The following CDCA7L variants were observed in gnomAD, a reference collection of about 807,000 sequenced individuals.
CDCA7L encodes the protein cell division cycle associated 7 like, also known as cell division cycle-associated 7-like protein.
CDCA7L carries 44 observed loss-of-function variants against 57.4 expected under a neutral mutation model. The ratio of observed to expected loss-of-function variants is 0.77; its 90% CI spans 0.60 to 0.98. CDCA7L has a LOEUF of 0.98. CDCA7L is among the 50% of genes least tolerant of loss of function. CDCA7L has a pLI of 0.00. For synonymous variants in CDCA7L, 236 were observed against 202.8 expected, an observed-to-expected ratio of 1.16 and a Z score of -1.39; for missense variants, 644 against 580.6, an observed-to-expected ratio of 1.11 and a Z score of -1.12.
intron 4 of CDCA7L, 53 bp from the exon 5 acceptor site, chr7:21,906,692 G>T: frequency 1.3e-6 from 2 of 1,566,070 alleles, no homozygotes; most frequent in Non-Finnish European, 1.8e-6. Flanking sequence ...TCCAGGTTTA[G>T]GTCATCCAAC....
intron 1 of CDCA7L, among the ~76,000 whole-genome samples, chr7:21,940,684 G>A (rs923391435): frequency 1.3e-5 from 2 of 152,242 alleles, no homozygotes; most frequent in African/African-American, 4.8e-5. Flanking sequence ...TCACCCTGGA[G>A]AACCTGCTGT....
In CDCA7L at chr7:21,902,879, T is replaced by TAAGTC. The variant is rs1408092409; in HGVS notation, c.1334+94_1334+98dup. 1.4e-5 allele frequency: 16 copies of TAAGTC among 1,108,318 alleles called. No individual in the cohort carries two copies. In the East Asian group the frequency reaches 2.6e-4, roughly 18 times the overall value. 68.7% of individuals were successfully genotyped at this position (1,108,318 alleles called of 1,614,324 possible). A position where few individuals can be genotyped will look rare whatever the true frequency, so the allele number is the denominator to read the frequency against. On this transcript the variant is annotated intron_variant, in intron 9 of 9. Coordinates refer to ENST00000406877, the MANE Select transcript of CDCA7L (RefSeq NM_018719.5). ...GGTACTCGTGGTTTATATAAGTAAG[T>TAAGTC]AAGTCACACGGGAAGGCAACAACTA...
chr7:21,915,317 A>C (rs1213472537), intron 2 of CDCA7L, among the ~76,000 whole-genome samples: 1 of 152,176 alleles, frequency 6.6e-6, no homozygotes, highest in African/African-American at 2.4e-5. Flanking sequence ...CTCCCTTAGC[A>C]ACCAGGACCA....
chr7:21,905,953 C>T (rs993506758), intron 6 of CDCA7L, among the ~76,000 whole-genome samples: 2 of 152,200 alleles, frequency 1.3e-5, no homozygotes, highest in African/African-American at 2.4e-5. Flanking sequence ...GCGCTTGAAA[C>T]GCCTCATGCC....
rs569032250 is a variant in CDCA7L, at chr7:21,928,551, C to G, written c.25-11657G>C. Among the ~76,000 whole-genome samples the G allele has an allele frequency of 1.6e-4, 24 of 151,908 alleles. No homozygotes were observed. In the South Asian group the frequency reaches 4.6e-3, roughly 29 times the overall value. ...AACTCAATACAAGGAAACTAAGAAC[C>G]TTGAAAAAAGGTTAGAGGAATTGCT... On this transcript the variant is annotated intron_variant, in intron 1 of 9. Coordinates refer to ENST00000406877, the MANE Select transcript of CDCA7L (RefSeq NM_018719.5).
intron 2 of CDCA7L, among the ~76,000 whole-genome samples, chr7:21,913,012 C>T (rs984473634): frequency 6.6e-6 from 1 of 152,116 alleles, no homozygotes; most frequent in African/African-American, 2.4e-5. Context: ...AGTCTGTCCC[C>T]AGTTTCCTCT....
Position 21,936,396 on chromosome 7 carries a change from T to TA in CDCA7L, c.24+9384dup, listed in dbSNP as rs1229329876. ...TAGAAAACTATACAGCCATATCTCT[T>TA]ACGAATACTGATACAAGAATACTCA... On this transcript the variant is annotated intron_variant, in intron 1 of 9. Coordinates refer to ENST00000406877, the MANE Select transcript of CDCA7L (RefSeq NM_018719.5). 3.3e-5 allele frequency among the ~76,000 whole-genome samples: 5 copies of TA among 152,278 alleles called. 1 individual carries two copies. The highest frequency in any genetic ancestry group is 3.4e-3 in the Middle Eastern group (1 of 294).
Position 21,902,188 on chromosome 7 carries a change from C to T in CDCA7L, c.*134G>A, listed in dbSNP as rs1784918013. On this transcript the variant is annotated 3_prime_UTR_variant, in exon 10 of 10. Transcript: ENST00000406877. ...TTGTAAGCATATAAACAATCTTTAA[C>T]AAAAAATAGTAATTTCTACAAAGAA... 4 of 887,820 alleles carry T rather than the reference C, an allele frequency of 4.5e-6. No individual in the cohort carries two copies. The highest frequency in any genetic ancestry group is 2.1e-5 in the Admixed American group (1 of 48,080). The allele number at this position is 887,820 out of a possible 1,614,324, so 55.0% of individuals were successfully genotyped here. A position where few individuals can be genotyped will look rare whatever the true frequency, so the allele number is the denominator to read the frequency against.
chr7:21,912,542 C>A (rs1343166236), intron 2 of CDCA7L, among the ~76,000 whole-genome samples: 1 of 152,226 alleles, frequency 6.6e-6, no homozygotes, highest in East Asian at 1.9e-4. Context: ...CTCCCTCCCA[C>A]GTGTTGGCTT....
At chr7:21,906,999 T>G (rs1785162943) in intron 4 of CDCA7L, among the ~76,000 whole-genome samples, 1 of 152,158 alleles carries the variant, frequency 6.6e-6, no homozygotes, top group African/African-American at 2.4e-5. Context: ...CACGTGAGTC[T>G]CAAGTTTCAG....
intron 1 of CDCA7L, among the ~76,000 whole-genome samples, chr7:21,923,805 C>T (rs1785740718): frequency 6.6e-6 from 1 of 152,206 alleles, no homozygotes; most frequent in African/African-American, 2.4e-5. Flanking sequence ...TGAAATCCAG[C>T]TTTGTTCTAT....
chr7:21,926,687 A>G (rs144848904), intron 1 of CDCA7L, among the ~76,000 whole-genome samples: 17 of 148,350 alleles, frequency 1.1e-4, no homozygotes, highest in African/African-American at 3.9e-4. Flanking sequence ...TGGGCAATGT[A>G]GCAAGACCCC....
rs74534752 is a variant in CDCA7L at position 21,909,758 on chromosome 7, T to A, written c.304-1251A>T. Among the ~76,000 whole-genome samples, 331 of 152,264 alleles carry A rather than the reference T, an allele frequency of 2.2e-3. 7 individuals carry two copies. The East Asian group carries it at 0.044, about 20-fold the overall frequency. On this transcript the variant is annotated intron_variant, in intron 3 of 9. Coordinates refer to ENST00000406877, the MANE Select transcript of CDCA7L (RefSeq NM_018719.5). Reference sequence around the variant, plus strand: ...CATCCTCATCATCGACAGGCCTCTCTTTACCAGATGTGGAACAGCTCACTA... The same window carrying A: ...CATCCTCATCATCGACAGGCCTCTCATTACCAGATGTGGAACAGCTCACTA...
chr7:21,930,603 A>G (rs1220030716), intron 1 of CDCA7L, among the ~76,000 whole-genome samples: 4 of 150,830 alleles, frequency 2.7e-5, no homozygotes, highest in Admixed American at 2.0e-4. Context: ...AGGCTGAGGC[A>G]AAAAGAATCG....
intron 1 of CDCA7L, among the ~76,000 whole-genome samples, chr7:21,941,711 C>A (rs1282245317): frequency 6.6e-6 from 1 of 152,208 alleles, no homozygotes; most frequent in African/African-American, 2.4e-5. Flanking sequence ...ATTCCAGCAG[C>A]AAGGGCCAAT....
Position 21,908,363 on chromosome 7 carries a change from TG to T in CDCA7L, c.447del (p.Thr150ProfsTer40), listed in dbSNP as rs1183769427. 1 of 1,610,782 alleles carries T rather than the reference TG, an allele frequency of 6.2e-7. No individual in the cohort carries two copies. The highest frequency in any genetic ancestry group is 8.5e-7 in the Non-Finnish European group (1 of 1,179,216). ...TCTGGTTTGTTGGCCAGCTTCTTGG[TG>T]GGGAACTGAAAGGCTACTCGAAGAC... Reference protein sequence around the residue: ...SIGLRVAFQFPTKKLANKPDK... With the variant: ...SIGLRVAFQFXTKKLANKPDK... On this transcript the variant is annotated frameshift_variant, in exon 4 of 10. Coordinates refer to ENST00000406877, the MANE Select transcript of CDCA7L (RefSeq NM_018719.5). LOFTEE classifies it high-confidence loss of function.
In CDCA7L at chr7:21,905,585, C is replaced by T. The variant is rs754786484; in HGVS notation, c.968G>A (p.Arg323Gln). 14 of 1,613,916 alleles carry T rather than the reference C, an allele frequency of 8.7e-6. No individual in the cohort carries two copies. The highest frequency in any genetic ancestry group is 6.6e-5 in the South Asian group (6 of 91,074). Residue 323 changes from arginine (R) to glutamine (Q), a missense_variant, in exon 7 of 10, where the codon CGG (arginine) becomes CAG (glutamine). By Grantham distance (43) the Arg-to-Gln change is conservative. Transcript: ENST00000406877. ...YRRRHRISSF[R>Q]PVEDITEEDL... Reference sequence around the variant, plus strand: ...CTCTTCGGTGATATCCTCCACTGGCCGAAAAGAAGATATACGGTGACGTCG... The same window carrying T: ...CTCTTCGGTGATATCCTCCACTGGCTGAAAAGAAGATATACGGTGACGTCG...
At position 21,929,894 on chromosome 7, in the gene CDCA7L, T is replaced by G. The variant is rs543665652; in HGVS notation, c.25-13000A>C. ...AGTGGGAGACTTTAACACGCCACTG[T>G]CACTATTAGATCAAAGAGACAGCAA... On this transcript the variant is annotated intron_variant, in intron 1 of 9. Transcript: ENST00000406877. 4.6e-5 allele frequency among the ~76,000 whole-genome samples: 7 copies of G among 152,130 alleles called. 1 individual carries two copies. In the South Asian group the frequency reaches 1.5e-3, roughly 32 times the overall value.
rs1785053100 is a variant in CDCA7L, at chr7:21,904,198, T to C, written c.1109A>G (p.Gln370Arg). ...TIDTKTVCRNQGCCGVRGQFC... is the reference protein window; with the variant it reads ...TIDTKTVCRNRGCCGVRGQFC... ...CTGTCCTCGCACACCACAGCAACCC[T>C]GGTTCCGACACACTGTCTTGGTGTC... The change falls in exon 8 of 10, where the codon CAG becomes CGG. Residue 370 changes from glutamine (Q) to arginine (R), a missense_variant. By Grantham distance (43) the Gln-to-Arg change is conservative (BLOSUM62 1). Coordinates refer to ENST00000406877, the MANE Select transcript of CDCA7L (RefSeq NM_018719.5). 1 of 1,613,826 alleles carries C rather than the reference T, an allele frequency of 6.2e-7. No homozygotes were observed. Among genetic ancestry groups the C allele is most frequent in the Non-Finnish European group, 8.5e-7 (1 of 1,179,852 alleles).
Sources: allele counts gnomAD v4.1 joint callset (sites outside exome capture counted in the v4.1 genomes callset), GRCh38; gene constraint gnomAD v4.1.1; transcripts MANE v1.5; gene names NCBI Gene and HGNC (gene_info 2026-07-23, HGNC 2026-07-21).